The following NAGS variants were observed in gnomAD, a reference collection of about 807,000 sequenced individuals.
NAGS encodes N-acetylglutamate synthase, also known as N-acetylglutamate synthase, mitochondrial.
A neutral mutation model predicts 46.9 loss-of-function variants in NAGS; 34 were observed. The ratio of observed to expected loss-of-function variants is 0.72; its 90% CI spans 0.55 to 0.97. The LOEUF (loss-of-function observed/expected upper bound fraction) is 0.97. Among genes scored for constraint, NAGS ranks in the 50% least tolerant of loss-of-function variants. The pLI, the probability that NAGS is intolerant of heterozygous loss-of-function variation, is 0.00. For synonymous variants in NAGS, 334 were observed against 346.3 expected (o/e 0.96, Z 0.39); for missense variants, 665 against 747.0 (o/e 0.89, Z 1.28).
Position 44,008,356 on chromosome 17 carries a change from CTCAA to C in NAGS, c.1452-86_1452-83del, listed in dbSNP as rs796500396. ...CTGGGTGCCCAGCATGCAGTAGGTC[CTCAA>C]TCAATGTTTTTTAAAGACAGAACCA... On this transcript the variant is annotated intron_variant, in intron 6 of 6. Transcript: ENST00000293404. The C allele has an allele frequency of 4.6e-5, 69 of 1,496,222 alleles. 2 individuals carry two copies. The highest frequency in any genetic ancestry group is 2.1e-4 in the African/African-American group (15 of 72,544). The allele number at this position is 1,496,222 out of a possible 1,614,324, so 92.7% of individuals were successfully genotyped here.
At position 44,008,344 on chromosome 17, in the gene NAGS, A is replaced by G. The variant is rs931305059; in HGVS notation, c.1452-104A>G. The G allele has an allele frequency of 4.4e-6, 6 of 1,373,350 alleles. No homozygotes were observed. The African/African-American group carries it at 8.6e-5, about 20-fold the overall frequency. The allele number at this position is 1,373,350 out of a possible 1,614,324, so 85.1% of individuals were successfully genotyped here. On this transcript the variant is annotated intron_variant, in intron 6 of 6. Transcript: ENST00000293404. ...AGCAGGACCAAGCTGGGTGCCCAGC[A>G]TGCAGTAGGTCCTCAATCAATGTTT...
Position 44,007,353 on chromosome 17 carries a change from G to A in NAGS, c.1127G>A (p.Arg376Gln). The A allele has an allele frequency of 6.2e-7, 1 of 1,613,804 alleles. No homozygotes were observed. Among genetic ancestry groups the A allele is most frequent in the Non-Finnish European group, 8.5e-7 (1 of 1,179,898 alleles). The change falls in exon 5 of 7, where the codon CGA (arginine) becomes CAA (glutamine). Residue 376 changes from arginine to glutamine, a missense_variant. By Grantham distance (43) the Arg-to-Gln change is conservative (BLOSUM62 1). Transcript: ENST00000293404. This position sits in a 1 kb window ranked among gnomAD's most constrained non-coding sequence, Gnocchi z 5.1. ...GGGACCCTGTTCAAGAACGCCGAGC[G>A]AATGCTACGGGTGCGCAGCCTGGAC... ...GSGTLFKNAE[R>Q]MLRVRSLDKL...
Position 44,008,691 on chromosome 17 carries a change from G to A in NAGS, c.*90G>A, listed in dbSNP as rs567905267. On this transcript the variant is annotated 3_prime_UTR_variant, in exon 7 of 7. Coordinates refer to ENST00000293404, the MANE Select transcript of NAGS (RefSeq NM_153006.3). ...CATGACCCCAGGCAGCCAGCCACAG[G>A]CTGAAGGGGGCTTGTTGGCTGAGTG... 804 of 1,541,496 alleles carry A rather than the reference G, an allele frequency of 5.2e-4. 2 individuals are homozygous for A. Among genetic ancestry groups the A allele is most frequent in the Admixed American group, 2.0e-4 (12 of 59,590 alleles).
In NAGS at chr17:44,005,983, G is replaced by A. The variant is rs1234603315; in HGVS notation, c.702-41G>A. On this transcript the variant is annotated intron_variant, in intron 2 of 6. Coordinates refer to ENST00000293404, the MANE Select transcript of NAGS (RefSeq NM_153006.3). This position sits in a 1 kb window ranked among gnomAD's most constrained non-coding sequence, Gnocchi z 7.2. ...CTGCCCGCCCTGCCCCGTCCGGCAG[G>A]CCTGGAGGGGGCCCTCTCGAGCACC... The A allele has an allele frequency of 6.4e-7, 1 of 1,564,822 alleles. No individual in the cohort carries two copies. The highest frequency in any genetic ancestry group is 8.6e-7 in the Non-Finnish European group (1 of 1,158,556).
In NAGS at chr17:44,005,584, G is replaced by T; in HGVS notation, c.427-53G>T. ...GACGGCCCTGCAGGCCAGGCTGTGG[G>T]AGCCAGCGGCTCAGGTCCGTGTCAC... On this transcript the variant is annotated intron_variant, in intron 1 of 6. Transcript: ENST00000293404. This position sits in a 1 kb window ranked among gnomAD's most constrained non-coding sequence, Gnocchi z 7.2. 6.3e-7 allele frequency: 1 copy of T among 1,587,910 alleles called. No individual in the cohort carries two copies. Among genetic ancestry groups the T allele is most frequent in the Non-Finnish European group, 8.6e-7 (1 of 1,168,262 alleles).
rs924869419 is a variant in NAGS at position 44,006,946 on chromosome 17, G to C, written c.1096+237G>C. Reference sequence around the variant, plus strand: ...TTAAAGGAATGGGCGGGACTAGGGGGGAGAAGGAGGGGCCCCCCGGTGGGC... The same window carrying C: ...TTAAAGGAATGGGCGGGACTAGGGGCGAGAAGGAGGGGCCCCCCGGTGGGC... On this transcript the variant is annotated intron_variant, in intron 4 of 6. Transcript: ENST00000293404. This position sits in a 1 kb window ranked among gnomAD's most constrained non-coding sequence, Gnocchi z 4.8. The C allele has an allele frequency of 1.2e-5, 7 of 560,926 alleles. No homozygotes were observed. Among genetic ancestry groups the C allele is most frequent in the African/African-American group, 1.1e-4 (6 of 52,478 alleles). The allele number at this position is 560,926 out of a possible 1,614,324, so 34.7% of individuals were successfully genotyped here. A position where few individuals can be genotyped will look rare whatever the true frequency, so the allele number is the denominator to read the frequency against.
Position 44,007,426 on chromosome 17 carries a change from C to G in NAGS, c.1200C>G (p.Gly400=). Reference sequence around the variant, plus strand: ...TGGACCTGGTCAACGCCAGCTTCGGCAAGAAGCTCAGGGACGACTACCTGG... The same window carrying G: ...TGGACCTGGTCAACGCCAGCTTCGGGAAGAAGCTCAGGGACGACTACCTGG... The part of the protein sequence containing the change: ...RLVDLVNASF[G]KKLRDDYLAS... Residue 400 remains glycine, a synonymous_variant, in exon 5 of 7, where the codon GGC becomes GGG. Coordinates refer to ENST00000293404, the MANE Select transcript of NAGS (RefSeq NM_153006.3). This position sits in a 1 kb window ranked among gnomAD's most constrained non-coding sequence, Gnocchi z 5.1. 1 of 1,613,910 alleles carries G rather than the reference C, an allele frequency of 6.2e-7. No homozygotes were observed. Among genetic ancestry groups the G allele is most frequent in the Non-Finnish European group, 8.5e-7 (1 of 1,180,000 alleles).
Position 44,008,672 on chromosome 17 carries a change from C to A in NAGS, c.*71C>A. 1 of 1,594,082 alleles carries A rather than the reference C, an allele frequency of 6.3e-7. No homozygotes were observed. On this transcript the variant is annotated 3_prime_UTR_variant, in exon 7 of 7. Coordinates refer to ENST00000293404, the MANE Select transcript of NAGS (RefSeq NM_153006.3). ...AAAAGCCATGCCAGCTGGGCATGAC[C>A]CCAGGCAGCCAGCCACAGGCTGAAG...
chr17:44,007,079 A>C lies in NAGS; in HGVS notation c.1097-244A>C. 2 of 592,250 alleles carry C rather than the reference A, an allele frequency of 3.4e-6. No individual in the cohort carries two copies. Among genetic ancestry groups the C allele is most frequent in the East Asian group, 2.8e-5 (1 of 35,198 alleles). 36.7% of individuals were successfully genotyped at this position (592,250 alleles called of 1,614,324 possible). The stretch of plus-strand genomic sequence containing the variant: ...GGAGACAGACTTCAAGGAGCGAGGC[A>C]AGACTAACGGAAGTGGGTGGGGCTC... On this transcript the variant is annotated intron_variant, in intron 4 of 6. Transcript: ENST00000293404. This position sits in a 1 kb window ranked among gnomAD's most constrained non-coding sequence, Gnocchi z 5.1.
In NAGS at chr17:44,006,368, G is replaced by T; in HGVS notation, c.915+131G>T. On this transcript the variant is annotated intron_variant, in intron 3 of 6. Transcript: ENST00000293404. The surrounding 1 kb of genome is among the most constrained non-coding windows in gnomAD (Gnocchi z 4.8). ...GGTAGAAAAGCCTAAGGGAGTATAG[G>T]GGAGGAGTTCAGCCCTGGGTGCCCA... 1 of 1,452,076 alleles carries T rather than the reference G, an allele frequency of 6.9e-7. No individual in the cohort carries two copies. The highest frequency in any genetic ancestry group is 1.2e-5 in the South Asian group (1 of 81,504). 89.9% of individuals were successfully genotyped at this position (1,452,076 alleles called of 1,614,324 possible).
chr17:44,005,907 G>T lies in NAGS; in HGVS notation c.697G>T (p.Ala233Ser). 6.5e-7 allele frequency: 1 copy of T among 1,548,944 alleles called. No individual in the cohort carries two copies. Among genetic ancestry groups the T allele is most frequent in the Non-Finnish European group, 8.7e-7 (1 of 1,151,042 alleles). Residue 233 changes from alanine (A) to serine (S), a missense_variant, in exon 2 of 7, where the codon GCC becomes TCC. Coordinates refer to ENST00000293404, the MANE Select transcript of NAGS (RefSeq NM_153006.3). The surrounding 1 kb of genome is among the most constrained non-coding windows in gnomAD (Gnocchi z 7.2). ...ACGCGCTGCCGAGCCGGCTCCCCAT[G>T]CCAGGTGAGTGCCCGCCCTGCCCGC... ...VLRAAEPAPH[A>S]SYGGIVSVET...
chr17:44,004,804 C>A lies in NAGS; in HGVS notation c.141C>A (p.Arg47=). ...RRAARGTSPG[R]RLSTAWSQPQ... ...CGGCGAGGGGCACCAGCCCGGGGCG[C>A]CGGCTCAGCACCGCCTGGTCGCAGC... is the stretch of plus-strand genomic sequence containing the variant. The change falls in exon 1 of 7, where the codon CGC becomes CGA. Residue 47 remains arginine (R), a synonymous_variant. Transcript: ENST00000293404. The A allele has an allele frequency of 7.3e-7, 1 of 1,376,518 alleles. No individual in the cohort carries two copies. Among genetic ancestry groups the A allele is most frequent in the Non-Finnish European group, 9.3e-7 (1 of 1,070,968 alleles). The allele number at this position is 1,376,518 out of a possible 1,614,324, so 85.3% of individuals were successfully genotyped here.
At position 44,006,389 on chromosome 17, in the gene NAGS, G is replaced by A; in HGVS notation, c.916-140G>A. On this transcript the variant is annotated intron_variant, in intron 3 of 6. Coordinates refer to ENST00000293404, the MANE Select transcript of NAGS (RefSeq NM_153006.3). This position sits in a 1 kb window ranked among gnomAD's most constrained non-coding sequence, Gnocchi z 4.8. ...ATAGGGGAGGAGTTCAGCCCTGGGT[G>A]CCCAGATCTGCGCCCTCCCTGGCTA... The A allele has an allele frequency of 2.1e-6, 3 of 1,445,604 alleles. No individual in the cohort carries two copies. Among genetic ancestry groups the A allele is most frequent in the Non-Finnish European group, 1.9e-6 (2 of 1,055,946 alleles). The allele number at this position is 1,445,604 out of a possible 1,614,324, so 89.5% of individuals were successfully genotyped here.
chr17:44,007,714 GC>G lies in NAGS; in HGVS notation c.1393del (p.Arg465GlyfsTer102), dbSNP rs2049114129. 1.9e-6 allele frequency: 3 copies of G among 1,603,494 alleles called. No homozygotes were observed. The highest frequency in any genetic ancestry group is 2.6e-6 in the Non-Finnish European group (3 of 1,174,648). On this transcript the variant is annotated frameshift_variant, in exon 6 of 7. Transcript: ENST00000293404. LOFTEE classifies it high-confidence loss of function. The surrounding 1 kb of genome is among the most constrained non-coding windows in gnomAD (Gnocchi z 5.1). Reference protein sequence around the residue: ...GSGQMLWECLRRDLQTLFWRS... With the variant: ...GSGQMLWECLXRDLQTLFWRS... ...CCGGCCAGATGCTGTGGGAGTGCCT[GC>G]GGCGGGACCTTCAGACACTTTTCTG... is the stretch of plus-strand genomic sequence containing the variant.
At position 44,004,626 on chromosome 17, in the gene NAGS, AGACT is replaced by A; in HGVS notation, c.-36_-33del. On this transcript the variant is annotated 5_prime_UTR_variant, in exon 1 of 7. Coordinates refer to ENST00000293404, the MANE Select transcript of NAGS (RefSeq NM_153006.3). ...CCCCCCAGTGCCAGACGCTCCAGAC[AGACT>A]GCCACTCTTGGGGGGCAAGAGTTGG... 1 of 1,476,736 alleles carries A rather than the reference AGACT, an allele frequency of 6.8e-7. No individual in the cohort carries two copies. Among genetic ancestry groups the A allele is most frequent in the South Asian group, 1.4e-5 (1 of 69,988 alleles). The allele number at this position is 1,476,736 out of a possible 1,614,324, so 91.5% of individuals were successfully genotyped here.
At position 44,006,693 on chromosome 17, in the gene NAGS, G is replaced by T; in HGVS notation, c.1080G>T (p.Glu360Asp). Residue 360 changes from glutamate (E) to aspartate (D), a missense_variant, in exon 4 of 7, where the codon GAG becomes GAT. By Grantham distance (45) the Glu-to-Asp change is conservative. Coordinates refer to ENST00000293404, the MANE Select transcript of NAGS (RefSeq NM_153006.3). This position sits in a 1 kb window ranked among gnomAD's most constrained non-coding sequence, Gnocchi z 4.8. Reference protein sequence around the residue: ...VITAASTLLTELFSNKGSGTL... With the variant: ...VITAASTLLTDLFSNKGSGTL... ...CCGCCGCTAGCACGCTGCTCACTGA[G>T]CTCTTTAGCAACAAGGGTGAGGGCG... 4 of 1,609,186 alleles carry T rather than the reference G, an allele frequency of 2.5e-6. No individual in the cohort carries two copies. The highest frequency in any genetic ancestry group is 3.4e-6 in the Non-Finnish European group (4 of 1,177,424).
chr17:44,005,511 G>A lies in NAGS; in HGVS notation c.427-126G>A. 7.5e-7 allele frequency: 1 copy of A among 1,338,768 alleles called. No individual in the cohort carries two copies. Among genetic ancestry groups the A allele is most frequent in the Non-Finnish European group, 1.0e-6 (1 of 968,732 alleles). 82.9% of individuals were successfully genotyped at this position (1,338,768 alleles called of 1,614,324 possible). On this transcript the variant is annotated intron_variant, in intron 1 of 6. Transcript: ENST00000293404. This position sits in a 1 kb window ranked among gnomAD's most constrained non-coding sequence, Gnocchi z 7.2. The stretch of plus-strand genomic sequence containing the variant: ...CAAAGGGCGGAGCAGGTGGGCACTG[G>A]TGGCCAGAACTGGGTCCTGACAGCT...
chr17:44,006,585 G>A lies in NAGS; in HGVS notation c.972G>A (p.Trp324Ter). The A allele has an allele frequency of 1.3e-6, 2 of 1,592,248 alleles. No homozygotes were observed. Among genetic ancestry groups the A allele is most frequent in the Non-Finnish European group, 1.7e-6 (2 of 1,168,780 alleles). ...ADLDLVCNAEWVSTKERQQMR... is the reference protein window; with the variant it reads ...ADLDLVCNAE ...TGGACCTGGTGTGCAACGCCGAGTG[G>A]GTGAGCACAAAAGAACGGCAGCAGA... is the stretch of plus-strand genomic sequence containing the variant. Residue 324 changes from tryptophan (W) to a stop codon, truncating the protein, a stop_gained, in exon 4 of 7, where the codon TGG becomes TGA. Coordinates refer to ENST00000293404, the MANE Select transcript of NAGS (RefSeq NM_153006.3). LOFTEE classifies it high-confidence loss of function. The surrounding 1 kb of genome is among the most constrained non-coding windows in gnomAD (Gnocchi z 4.8).
At position 44,006,776 on chromosome 17, in the gene NAGS, C is replaced by A; in HGVS notation, c.1096+67C>A. 2 of 1,485,388 alleles carry A rather than the reference C, an allele frequency of 1.3e-6. No homozygotes were observed. Among genetic ancestry groups the A allele is most frequent in the South Asian group, 1.3e-5 (1 of 78,554 alleles). 92.0% of individuals were successfully genotyped at this position (1,485,388 alleles called of 1,614,324 possible). A position where few individuals can be genotyped will look rare whatever the true frequency, so the allele number is the denominator to read the frequency against. The stretch of plus-strand genomic sequence containing the variant: ...AGTACTGGCCGGGGCTGGGTGTCTG[C>A]GGTCAGGAGGAGCGGCTTCTCCTCC... On this transcript the variant is annotated intron_variant, in intron 4 of 6. Coordinates refer to ENST00000293404, the MANE Select transcript of NAGS (RefSeq NM_153006.3). This position sits in a 1 kb window ranked among gnomAD's most constrained non-coding sequence, Gnocchi z 4.8.
Sources: gnomAD v4.1 joint callset for allele counts on GRCh38, gnomAD v4.1.1 for gene constraint, Gnocchi (gnomAD v3.1) non-coding constraint, MANE v1.5 for transcripts, NCBI Gene and HGNC (gene_info 2026-07-23, HGNC 2026-07-21) for gene names.